The following TENM1 variants were observed in gnomAD, a reference collection of about 807,000 sequenced individuals.
TENM1 encodes teneurin transmembrane protein 1.
A neutral mutation model predicts 174.8 loss-of-function variants in TENM1; 35 were observed. The observed-to-expected ratio is 0.20, with a 90% CI of 0.15 to 0.27. The LOEUF is 0.27. Ranked by LOEUF, TENM1 falls within the 10% of genes least tolerant of loss-of-function variation. The pLI, the probability that TENM1 is intolerant of heterozygous loss-of-function variation, is 1.00. For synonymous variants in TENM1, 781 were observed against 798.7 expected, an observed-to-expected ratio of 0.98 and a Z score of 0.37; for missense variants, 1,633 against 2,130.1, an observed-to-expected ratio of 0.77 and a Z score of 4.59.
chrX:124,471,353 A>AT lies in TENM1; in HGVS notation c.3949+10378dup, dbSNP rs1569533467. Among the ~76,000 whole-genome samples the AT allele has an allele frequency of 6.6e-4, 27 of 40,772 alleles. 2 individuals carry two copies. Among genetic ancestry groups the AT allele is most frequent in the Non-Finnish European group, 8.6e-4 (22 of 25,621 alleles). 35.4% of individuals were successfully genotyped at this position (40,772 alleles called of 115,157 possible). ...TATAGTACTATATATAATATATATT[A>AT]TAATATATAGTACTATATATTATAA... On this transcript the variant is annotated intron_variant, in intron 22 of 31. Coordinates refer to ENST00000422452, the Ensembl canonical transcript of TENM1.
the TENM1 span, among the ~76,000 whole-genome samples, chrX:125,099,470 T>C: frequency 8.9e-6 from 1 of 112,339 alleles, no homozygotes; most frequent in Non-Finnish European, 1.9e-5. Context: ...CAAGAAATCA[T>C]AGTTATCAGA....
intron 18 of TENM1, among the ~76,000 whole-genome samples, chrX:124,506,816 T>C (rs1027619130): frequency 1.5e-4 from 17 of 112,064 alleles, no homozygotes; most frequent in Non-Finnish European, 9.4e-5. Flanking sequence ...CAGTAGCAAC[T>C]AATCCTAGAC....
intron 25 of TENM1, among the ~76,000 whole-genome samples, chrX:124,407,851 G>A (rs986953994): frequency 1.8e-5 from 2 of 112,717 alleles, no homozygotes; most frequent in Admixed American, 9.4e-5. Flanking sequence ...GTTAAATTGG[G>A]TGTCTCCTTT....
chrX:124,618,280 G>A (rs1254250957), intron 11 of TENM1, among the ~76,000 whole-genome samples: 1 of 111,489 alleles, frequency 9.0e-6, no homozygotes, highest in Non-Finnish European at 1.9e-5. Flanking sequence ...TTGCTTTCTA[G>A]ACTTTCTACT....
At chrX:124,994,206 A>C in the TENM1 span, among the ~76,000 whole-genome samples, 1 of 93,869 alleles carries the variant, frequency 1.1e-5, no homozygotes, top group South Asian at 4.8e-4. Context: ...TTCTTCATTT[A>C]ATTGACTGAC....
At chrX:124,921,195 AC>A (rs1434048556) in intron 1 of TENM1, among the ~76,000 whole-genome samples, 1 of 108,837 alleles carries the variant, frequency 9.2e-6, no homozygotes, top group Non-Finnish European at 1.9e-5. Context: ...TTTAGAAATT[AC>A]CCCCCCAAAT....
chrX:124,516,395 A>G (rs903049852), intron 18 of TENM1, among the ~76,000 whole-genome samples: 2 of 112,356 alleles, frequency 1.8e-5, no homozygotes, highest in African/African-American at 6.5e-5. Flanking sequence ...AAAAGAAACT[A>G]TCAAGAGAGT....
chrX:124,755,465 G>A (rs1484698100), intron 3 of TENM1, among the ~76,000 whole-genome samples: 6 of 110,093 alleles, frequency 5.4e-5, no homozygotes, highest in Admixed American at 1.9e-4. Context: ...GTGTCTTTTA[G>A]TTGGAGCATT....
At chrX:124,672,482 C>T (rs979976060) in intron 5 of TENM1, among the ~76,000 whole-genome samples, 1 of 111,442 alleles carries the variant, frequency 9.0e-6, no homozygotes, top group African/African-American at 3.3e-5. Context: ...CTCTCATACA[C>T]TCCTGATGAG....
chrX:125,063,155 CA>C, the TENM1 span, among the ~76,000 whole-genome samples: 9 of 111,827 alleles, frequency 8.0e-5, no homozygotes, highest in Non-Finnish European at 1.1e-4. Flanking sequence ...CATCATGCCC[CA>C]AATTCATGCC....
At chrX:124,590,591 G>A (rs1007699988) in intron 11 of TENM1, among the ~76,000 whole-genome samples, 4 of 111,771 alleles carry the variant, frequency 3.6e-5, no homozygotes, top group African/African-American at 1.3e-4. Flanking sequence ...TTCCACTGTG[G>A]TCCAAGAGTA....
At chrX:124,482,941 T>C (rs1159561471) in intron 21 of TENM1, among the ~76,000 whole-genome samples, 2 of 112,472 alleles carry the variant, frequency 1.8e-5, no homozygotes, top group African/African-American at 6.5e-5. Flanking sequence ...CATGCAATTG[T>C]GTCTGTAAAC....
intron 27 of TENM1, among the ~76,000 whole-genome samples, chrX:124,398,410 G>C (rs2060363055): frequency 9.1e-6 from 1 of 109,431 alleles, no homozygotes; most frequent in African/African-American, 3.3e-5. Context: ...TTATTTCACA[G>C]AGATGCCTAC....
At chrX:124,866,763 G>GA (rs2057016252) in intron 3 of TENM1, among the ~76,000 whole-genome samples, 1 of 109,584 alleles carries the variant, frequency 9.1e-6, no homozygotes, top group African/African-American at 3.3e-5. Flanking sequence ...GACAGACAAA[G>GA]AAAAAAAGAG....
chrX:124,665,799 A>G (rs1168077410), intron 6 of TENM1, among the ~76,000 whole-genome samples: 4 of 112,358 alleles, frequency 3.6e-5, no homozygotes, highest in African/African-American at 9.7e-5. Context: ...GAGTTTTGCC[A>G]GGAATCTGCC....
intron 3 of TENM1, among the ~76,000 whole-genome samples, chrX:124,817,965 GAGAAAATCTTCAATC>G (rs2055943456): frequency 9.0e-6 from 1 of 111,118 alleles, no homozygotes; most frequent in Non-Finnish European, 1.9e-5. Flanking sequence ...CTGGGGCCCT[GAGAAAATCTTCAATC>G]AGCTATCCTA....
intron 5 of TENM1, among the ~76,000 whole-genome samples, chrX:124,693,897 T>C (rs2052588733): frequency 9.0e-6 from 1 of 111,581 alleles, no homozygotes; most frequent in African/African-American, 3.3e-5. Context: ...TGTATGTAAA[T>C]AGGAATCAGG....
At chrX:124,703,385 A>G (rs2148491389) in intron 5 of TENM1, among the ~76,000 whole-genome samples, 1 of 112,250 alleles carries the variant, frequency 8.9e-6, no homozygotes, top group Non-Finnish European at 1.9e-5. Flanking sequence ...CATACAACTG[A>G]ATTAAACAAG....
Position 124,715,618 on chromosome X carries a change from T to C in TENM1, c.777-10367A>G, listed in dbSNP as rs112079055. On this transcript the variant is annotated intron_variant, in intron 4 of 31. Transcript: ENST00000422452. ...TTTCATCTTCTCTTTTCTTTTTTTT[T>C]CCTTTTCTTTTCTTTTCCTTTTCTT... Among the ~76,000 whole-genome samples, 877 of 109,902 alleles carry C rather than the reference T, an allele frequency of 8.0e-3. 9 individuals are homozygous for C. The highest frequency in any genetic ancestry group is 0.028 in the African/African-American group (846 of 30,272).
Sources: allele counts gnomAD v4.1 joint callset (sites outside exome capture counted in the v4.1 genomes callset), GRCh38; gene constraint gnomAD v4.1.1; transcripts MANE v1.5; gene names NCBI Gene and HGNC (gene_info 2026-07-23, HGNC 2026-07-21).